The following SLC9A9 variants were observed in gnomAD, a reference collection of about 807,000 sequenced individuals.
SLC9A9 encodes the protein solute carrier family 9 member A9, also known as sodium/hydrogen exchanger 9.
In SLC9A9, 62 loss-of-function variants were observed where a neutral mutation model predicts 77.8. The ratio of observed to expected loss-of-function variants is 0.80; its 90% CI spans 0.65 to 0.98. The LOEUF is 0.98. Ranked by LOEUF, SLC9A9 falls within the 50% of genes least tolerant of loss-of-function variation. The pLI is 0.00. For missense variants in SLC9A9, 775 were observed against 774.9 expected, an observed-to-expected ratio of 1.00 and a Z score of 0.00; for synonymous variants, 320 against 283.5, an observed-to-expected ratio of 1.13 and a Z score of -1.29.
chr3:143,322,304 C>T (rs1354395226), intron 14 of SLC9A9, among the ~76,000 whole-genome samples: 1 of 152,166 alleles, frequency 6.6e-6, no homozygotes, highest in East Asian at 1.9e-4. Context: ...GAAGGCCAGA[C>T]TAGAACTAAG....
chr3:143,531,490 C>T (rs1371656114), intron 9 of SLC9A9, among the ~76,000 whole-genome samples: 2 of 152,204 alleles, frequency 1.3e-5, no homozygotes, highest in African/African-American at 4.8e-5. Context: ...GGAAGCAGCA[C>T]TAAATCAAAT....
chr3:143,414,957 T>C (rs1339013397), intron 12 of SLC9A9, among the ~76,000 whole-genome samples: 3 of 152,316 alleles, frequency 2.0e-5, no homozygotes, highest in South Asian at 2.1e-4. Context: ...ATGCTACTCC[T>C]GGGAACACAC....
chr3:143,814,378 A>T (rs1224878283), intron 2 of SLC9A9, among the ~76,000 whole-genome samples: 1 of 152,190 alleles, frequency 6.6e-6, no homozygotes, highest in Non-Finnish European at 1.5e-5. Context: ...AATGAGTGCC[A>T]CAAAAAAGAG....
intron 11 of SLC9A9, among the ~76,000 whole-genome samples, chr3:143,472,744 C>A (rs1184407820): frequency 6.6e-6 from 1 of 152,246 alleles, no homozygotes; most frequent in Non-Finnish European, 1.5e-5. Flanking sequence ...GATGAATTTT[C>A]TGATTCTTCA....
chr3:143,672,167 C>T (rs996143950), intron 5 of SLC9A9, among the ~76,000 whole-genome samples: 7 of 144,144 alleles, frequency 4.9e-5, no homozygotes, highest in African/African-American at 1.8e-4. Context: ...GAAGGAACTA[C>T]TTTGTCAATT....
intron 9 of SLC9A9, among the ~76,000 whole-genome samples, chr3:143,522,394 G>A (rs1292942032): frequency 6.6e-6 from 1 of 152,046 alleles, no homozygotes; most frequent in Non-Finnish European, 1.5e-5. Context: ...TGCCTCCAAG[G>A]ATTTATGGTC....
chr3:143,533,459 G>A (rs2036546156), intron 9 of SLC9A9, among the ~76,000 whole-genome samples: 1 of 152,132 alleles, frequency 6.6e-6, no homozygotes, highest in Non-Finnish European at 1.5e-5. Flanking sequence ...AGAAGTCATA[G>A]ATCCAAAGCA....
intron 3 of SLC9A9, 97 bp downstream of exon 3, chr3:143,796,729 C>G: frequency 1.2e-6 from 1 of 806,482 alleles, no homozygotes; most frequent in East Asian, 2.7e-5. Flanking sequence ...GATACTCTTA[C>G]CAAATAGAGA....
Position 143,493,678 on chromosome 3 carries a change from G to T in SLC9A9, c.1290C>A (p.Asn430Lys). 7 of 1,614,034 alleles carry T rather than the reference G, an allele frequency of 4.3e-6. No individual in the cohort carries two copies. The highest frequency in any genetic ancestry group is 5.9e-6 in the Non-Finnish European group (7 of 1,179,890). Residue 430 changes from asparagine to lysine, a missense_variant, in exon 11 of 16, where the codon AAC (asparagine) becomes AAA (lysine). By Grantham distance (94) the Asn-to-Lys change is moderately conservative. Coordinates refer to ENST00000316549, the MANE Select transcript of SLC9A9 (RefSeq NM_173653.4). ...CTGAAAACATCATCATGTGCTGAAA[G>T]TTCCAGGGGATCTTCTGTTTTCGGC... The part of the protein sequence containing the change: ...NLGRKQKIPW[N>K]FQHMMMFSGL...
chr3:143,402,783 A>C (rs1284750175), intron 12 of SLC9A9, among the ~76,000 whole-genome samples: 2 of 148,694 alleles, frequency 1.3e-5, no homozygotes, highest in Non-Finnish European at 3.0e-5. Flanking sequence ...TTTCAAATTC[A>C]GTCTGACAGT....
intron 12 of SLC9A9, among the ~76,000 whole-genome samples, chr3:143,449,481 AATATAATAATT>A (rs1467326043): frequency 1.8e-5 from 1 of 56,624 alleles, no homozygotes; most frequent in African/African-American, 9.9e-5. Flanking sequence ...AATTATATAA[AATATAATAATT>A]ATATAATTAT....
intron 6 of SLC9A9, among the ~76,000 whole-genome samples, chr3:143,644,798 T>A (rs2038677863): frequency 6.6e-6 from 1 of 152,020 alleles, no homozygotes; most frequent in Non-Finnish European, 1.5e-5. Flanking sequence ...CACCCCAGTA[T>A]CTAGACAGGC....
At chr3:143,747,653 G>A (rs933549255) in intron 4 of SLC9A9, among the ~76,000 whole-genome samples, 5 of 152,264 alleles carry the variant, frequency 3.3e-5, no homozygotes, top group East Asian at 1.9e-4. Flanking sequence ...GAATGCCAGC[G>A]GCTGCCAGAA....
At chr3:143,676,876 G>C (rs192050824) in intron 5 of SLC9A9, among the ~76,000 whole-genome samples, 1 of 152,220 alleles carries the variant, frequency 6.6e-6, no homozygotes, top group African/African-American at 2.4e-5. Flanking sequence ...GATCTGTGAA[G>C]GGAGTTCTTT....
At chr3:143,396,418 G>C (rs1410074641) in intron 12 of SLC9A9, among the ~76,000 whole-genome samples, 1 of 152,212 alleles carries the variant, frequency 6.6e-6, no homozygotes, top group African/African-American at 2.4e-5. Flanking sequence ...GACACAGGAA[G>C]CGGAACATCA....
intron 4 of SLC9A9, among the ~76,000 whole-genome samples, chr3:143,781,023 A>G (rs925532860): frequency 2.6e-4 from 40 of 152,340 alleles, no homozygotes; most frequent in African/African-American, 7.5e-4. Context: ...TATTGAAAAT[A>G]TGTCCCCATA....
intron 2 of SLC9A9, among the ~76,000 whole-genome samples, chr3:143,818,552 C>T (rs112715749): frequency 5.3e-5 from 8 of 150,150 alleles, no homozygotes; most frequent in African/African-American, 2.0e-4. Flanking sequence ...AGTGATCCAC[C>T]GGCCTCAGCC....
chr3:143,307,777 C>G (rs2030853765), intron 14 of SLC9A9, among the ~76,000 whole-genome samples: 1 of 152,168 alleles, frequency 6.6e-6, no homozygotes, highest in South Asian at 2.1e-4. Flanking sequence ...TGAGCCCTGC[C>G]TTTAAGGACC....
chr3:143,429,173 A>G (rs1019416556), intron 12 of SLC9A9, among the ~76,000 whole-genome samples: 2 of 152,266 alleles, frequency 1.3e-5, no homozygotes, highest in African/African-American at 4.8e-5. Flanking sequence ...ATAATTATGT[A>G]TCAATTATAA....
Sources: gnomAD v4.1 joint callset for allele counts (sites outside exome capture counted in the v4.1 genomes callset) on GRCh38, gnomAD v4.1.1 for gene constraint, MANE v1.5 for transcripts, NCBI Gene and HGNC (gene_info 2026-07-23, HGNC 2026-07-21) for gene names.